EPB41L3: variants seen among roughly 807,000 people sequenced by gnomAD.
EPB41L3 encodes erythrocyte membrane protein band 4.1 like 3, also known as band 4.1-like protein 3.
EPB41L3 carries 57 observed loss-of-function variants against 127.1 expected under a neutral mutation model. The ratio of observed to expected loss-of-function variants is 0.45; its 90% CI spans 0.36 to 0.56. The LOEUF (loss-of-function observed/expected upper bound fraction) is 0.56, where lower values mean the gene tolerates loss of function less well. EPB41L3 is among the 20% of genes least tolerant of loss of function. EPB41L3 has a pLI of 0.00. For synonymous variants in EPB41L3, 572 were observed against 549.5 expected, an observed-to-expected ratio of 1.04 and a Z score of -0.57; for missense variants, 1,273 against 1,372.2, an observed-to-expected ratio of 0.93 and a Z score of 1.14.
chr18:5,450,983 T>C (rs1037677193), intron 3 of EPB41L3, among the ~76,000 whole-genome samples: 8 of 152,198 alleles, frequency 5.3e-5, no homozygotes, highest in Admixed American at 5.2e-4. Flanking sequence ...CGTGACTGCC[T>C]GATTTTTTTT....
At chr18:5,482,056 C>T (rs778817624) in intron 2 of EPB41L3, among the ~76,000 whole-genome samples, 2 of 152,034 alleles carry the variant, frequency 1.3e-5, no homozygotes, top group African/African-American at 2.4e-5. Flanking sequence ...TACAAGATGG[C>T]GATTTGTGAG....
At chr18:5,405,871 CCTTA>C (rs1192614177) in intron 16 of EPB41L3, among the ~76,000 whole-genome samples, 3 of 150,822 alleles carry the variant, frequency 2.0e-5, no homozygotes, top group Non-Finnish European at 4.4e-5. Flanking sequence ...TGTGAAATAA[CCTTA>C]CTTAAAAAAA....
chr18:5,404,897 A>C (rs2075104315), intron 16 of EPB41L3, among the ~76,000 whole-genome samples: 1 of 152,228 alleles, frequency 6.6e-6, no homozygotes, highest in Non-Finnish European at 1.5e-5. Context: ...TTACAATAAA[A>C]TTCATGAGAG....
At chr18:5,523,205 A>G (rs2093069574) in intron 1 of EPB41L3, among the ~76,000 whole-genome samples, 1 of 152,226 alleles carries the variant, frequency 6.6e-6, no homozygotes, top group Non-Finnish European at 1.5e-5. Flanking sequence ...GGACAGAATT[A>G]TTGAACATCA....
chr18:5,619,329 C>G (rs142942495), intron 1 of EPB41L3, among the ~76,000 whole-genome samples: 2 of 152,306 alleles, frequency 1.3e-5, no homozygotes, highest in African/African-American at 4.8e-5. Flanking sequence ...CCAGTGAAGT[C>G]TAATGTATGA....
At chr18:5,619,277 T>C (rs892701114) in intron 1 of EPB41L3, among the ~76,000 whole-genome samples, 1 of 152,244 alleles carries the variant, frequency 6.6e-6, no homozygotes, top group Non-Finnish European at 1.5e-5. Context: ...CTTGTTCTGT[T>C]GAGTCCCTGG....
At chr18:5,448,117 TAAGATTCTACTGAGC>T (rs1404403753) in intron 3 of EPB41L3, among the ~76,000 whole-genome samples, 2 of 152,158 alleles carry the variant, frequency 1.3e-5, no homozygotes, top group Non-Finnish European at 2.9e-5. Flanking sequence ...AGTGGGGATG[TAAGATTCTACTGAGC>T]AAGATGTTTA....
chr18:5,516,153 G>C (rs1028192703), intron 1 of EPB41L3, among the ~76,000 whole-genome samples: 2 of 152,204 alleles, frequency 1.3e-5, no homozygotes, highest in African/African-American at 4.8e-5. Flanking sequence ...CCCAAGTCCA[G>C]GGGCAGATAC....
chr18:5,452,967 G>A (rs2082496569), intron 3 of EPB41L3, among the ~76,000 whole-genome samples: 3 of 152,170 alleles, frequency 2.0e-5, no homozygotes, highest in South Asian at 4.1e-4. Flanking sequence ...GCAGGTGACT[G>A]GGGTGACTGA....
intron 1 of EPB41L3, among the ~76,000 whole-genome samples, chr18:5,535,820 A>G (rs533733925): frequency 6.6e-6 from 1 of 152,354 alleles, no homozygotes; most frequent in East Asian, 1.9e-4. Context: ...GAGGTGGCAT[A>G]AAATCTGTGA....
chr18:5,421,973 T>A (rs1409833908), intron 11 of EPB41L3, among the ~76,000 whole-genome samples: 1 of 152,150 alleles, frequency 6.6e-6, no homozygotes. Context: ...CAAAAGCTAC[T>A]GAAATTTTAA....
chr18:5,554,999 C>T (rs756105377), intron 3 of EPB41L3, among the ~76,000 whole-genome samples: 16 of 152,348 alleles, frequency 1.1e-4, no homozygotes, highest in Non-Finnish European at 2.2e-4. Flanking sequence ...CCTCACAAAT[C>T]ACTGTCATCC....
intron 13 of EPB41L3, among the ~76,000 whole-genome samples, chr18:5,412,201 A>C (rs1185104972): frequency 6.6e-6 from 1 of 152,038 alleles, no homozygotes; most frequent in African/African-American, 2.4e-5. Flanking sequence ...ACTTGCACTT[A>C]GTGTTTTATT....
At chr18:5,540,618 G>C (rs1172584588) in intron 1 of EPB41L3, 6 of 911,758 alleles carry the variant, frequency 6.6e-6, no homozygotes, top group Non-Finnish European at 7.9e-6. Context: ...CTAGCTAGCC[G>C]TTTGAAAGAA....
intron 9 of EPB41L3, among the ~76,000 whole-genome samples, chr18:5,425,262 T>G (rs1293616872): frequency 6.6e-6 from 1 of 152,200 alleles, no homozygotes; most frequent in Non-Finnish European, 1.5e-5. Flanking sequence ...GTTTGACCTC[T>G]ATTTCTTGTT....
At chr18:5,394,881 T>C in intron 21 of EPB41L3, 88 bp from the exon 22 acceptor site, 1 of 1,283,658 alleles carries the variant, frequency 7.8e-7, no homozygotes, top group Non-Finnish European at 1.1e-6. Flanking sequence ...ATGAGCTAGA[T>C]CTATATCCAC....
rs570373042 is a variant in EPB41L3 at position 5,478,602 on chromosome 18, A to C, written c.184-164T>G. 1.3e-4 allele frequency among the ~76,000 whole-genome samples: 20 copies of C among 152,352 alleles called. No homozygotes were observed. In the South Asian group the frequency reaches 3.7e-3, roughly 28 times the overall value. On this transcript the variant is annotated intron_variant, in intron 2 of 22. Transcript: ENST00000341928. ...TACAGATATTTATAATATTTGCCTA[A>C]ATACTGTTTGCCATTTAAATGTATC...
chr18:5,487,871 T>G (rs972476949), intron 2 of EPB41L3, among the ~76,000 whole-genome samples: 4 of 152,186 alleles, frequency 2.6e-5, no homozygotes, highest in African/African-American at 7.2e-5. Context: ...TTTAATGCTG[T>G]GACTTCCAAA....
At chr18:5,429,284 A>G (rs746383471) in intron 8 of EPB41L3, 1 of 152,138 alleles carries the variant, frequency 6.6e-6, no homozygotes, top group Admixed American at 6.5e-5. Flanking sequence ...CTACTTGCAC[A>G]TTTCATGTTT....
Sources: allele counts gnomAD v4.1 joint callset (sites outside exome capture counted in the v4.1 genomes callset), GRCh38; gene constraint gnomAD v4.1.1; transcripts MANE v1.5; gene names NCBI Gene and HGNC (gene_info 2026-07-23, HGNC 2026-07-21).